The following WWOX variants were observed in gnomAD, a reference collection of about 807,000 sequenced individuals.
WWOX encodes WW domain-containing oxidoreductase.
In WWOX, 69 loss-of-function variants were observed where a neutral mutation model predicts 46.2. The ratio of observed to expected loss-of-function variants is 1.49; its 90% CI spans 1.23 to 1.82. The LOEUF is 1.82. Among genes scored for constraint, WWOX ranks in the 40% most tolerant of loss-of-function variants. The pLI, the probability that WWOX is intolerant of heterozygous loss-of-function variation, is 0.00. For missense variants in WWOX, 919 were observed against 542.6 expected (o/e 1.69, Z -6.89); for synonymous variants, 359 against 202.6 (o/e 1.77, Z -6.56).
chr16:78,806,030 A>G (rs1203352227), intron 8 of WWOX, among the ~76,000 whole-genome samples: 1 of 152,222 alleles, frequency 6.6e-6, no homozygotes, highest in Admixed American at 6.5e-5. Flanking sequence ...GAATTAATCC[A>G]AAGCCACTTG....
chr16:78,512,821 A>G (rs548887085), intron 8 of WWOX, among the ~76,000 whole-genome samples: 2 of 152,356 alleles, frequency 1.3e-5, no homozygotes, highest in Admixed American at 1.3e-4. Context: ...TTAAAAACAG[A>G]AACAGAGCAG....
At chr16:78,320,566 G>T (rs896200676) in intron 5 of WWOX, among the ~76,000 whole-genome samples, 1 of 152,180 alleles carries the variant, frequency 6.6e-6, no homozygotes, top group South Asian at 2.1e-4. Flanking sequence ...TCTGGAGAAG[G>T]TATTGAAGAA....
At chr16:78,409,064 C>A (rs1240510514) in intron 6 of WWOX, among the ~76,000 whole-genome samples, 1 of 152,264 alleles carries the variant, frequency 6.6e-6, no homozygotes, top group African/African-American at 2.4e-5. Context: ...TGAAGTCACT[C>A]CAAAAACAGA....
At chr16:78,727,309 G>C (rs1012612126) in intron 8 of WWOX, among the ~76,000 whole-genome samples, 3 of 152,214 alleles carry the variant, frequency 2.0e-5, no homozygotes, top group Non-Finnish European at 2.9e-5. Flanking sequence ...TGAGGCAGGA[G>C]AATCACTTCA....
chr16:78,620,466 G>A (rs985528922), intron 8 of WWOX, among the ~76,000 whole-genome samples: 4 of 152,160 alleles, frequency 2.6e-5, no homozygotes, highest in Non-Finnish European at 5.9e-5. Context: ...TCCCTGGATG[G>A]GAGAAGATAG....
chr16:78,960,224 G>T (rs2046246985), intron 8 of WWOX, among the ~76,000 whole-genome samples: 1 of 152,190 alleles, frequency 6.6e-6, no homozygotes, highest in Non-Finnish European at 1.5e-5. Context: ...CACCAAAAAT[G>T]ACCTTAATTT....
chr16:78,677,818 A>G (rs2047639106), intron 8 of WWOX, among the ~76,000 whole-genome samples: 1 of 152,158 alleles, frequency 6.6e-6, no homozygotes, highest in South Asian at 2.1e-4. Flanking sequence ...ATCACATTGT[A>G]TTTCCTTTAT....
At chr16:78,530,081 C>T (rs1284093214) in intron 8 of WWOX, among the ~76,000 whole-genome samples, 1 of 152,146 alleles carries the variant, frequency 6.6e-6, no homozygotes, top group Non-Finnish European at 1.5e-5. Flanking sequence ...TGGGAGGAAG[C>T]ATGCAGGTGA....
chr16:79,143,964 GCA>G (rs1567579639), intron 8 of WWOX, among the ~76,000 whole-genome samples: 1 of 152,130 alleles, frequency 6.6e-6, no homozygotes, highest in Non-Finnish European at 1.5e-5. Context: ...GAGTGCAGTG[GCA>G]CAGTCATAGC....
At position 78,682,441 on chromosome 16, in the gene WWOX, C is replaced by G. The variant is rs141332185; in HGVS notation, c.1056+249689C>G. 2.7e-3 allele frequency among the ~76,000 whole-genome samples: 406 copies of G among 152,210 alleles called. 1 individual carries two copies. Among genetic ancestry groups the G allele is most frequent in the Non-Finnish European group, 4.6e-3 (314 of 68,020 alleles). ...TGAATTATTTTTCCTTTAGCCGGGT[C>G]TGGTGGTGGCGTGTACCTGTAATCC... On this transcript the variant is annotated intron_variant, in intron 8 of 8. Coordinates refer to ENST00000566780, the MANE Select transcript of WWOX (RefSeq NM_016373.4).
chr16:78,691,202 C>A, intron 8 of WWOX: 1 of 701,980 alleles, frequency 1.4e-6, no homozygotes, highest in South Asian at 1.5e-5. Context: ...AGGTCCAGCG[C>A]CTAGAATTTT....
intron 8 of WWOX, among the ~76,000 whole-genome samples, chr16:78,628,194 G>A (rs141731767): frequency 2.1e-4 from 32 of 152,196 alleles, no homozygotes; most frequent in Admixed American, 3.3e-4. Context: ...CATGGCTGCC[G>A]TCTGAGTGAT....
chr16:78,582,860 A>G (rs1597303914), intron 8 of WWOX, among the ~76,000 whole-genome samples: 1 of 152,298 alleles, frequency 6.6e-6, no homozygotes, highest in East Asian at 1.9e-4. Flanking sequence ...AGGCCCTTCT[A>G]GTGATGTACC....
chr16:78,389,544 A>C (rs758916389), intron 6 of WWOX, among the ~76,000 whole-genome samples: 26 of 152,140 alleles, frequency 1.7e-4, no homozygotes, highest in South Asian at 2.1e-4. Flanking sequence ...TACGTGGAAA[A>C]TATTTTGCAT....
chr16:79,000,763 G>C (rs1413176340), intron 8 of WWOX, among the ~76,000 whole-genome samples: 2 of 152,188 alleles, frequency 1.3e-5, no homozygotes, highest in South Asian at 2.1e-4. Context: ...GCCAGAGGAA[G>C]CTAAGGCACC....
chr16:78,631,540 C>CTT (rs35592764), intron 8 of WWOX, among the ~76,000 whole-genome samples: 54,044 of 138,644 alleles, frequency 0.39, 13,072 homozygotes, highest in Middle Eastern at 0.58. Flanking sequence ...TTAAAATATT[C>CTT]TTTTTTTTTT....
intron 8 of WWOX, among the ~76,000 whole-genome samples, chr16:78,725,412 A>G (rs1401089301): frequency 1.6e-5 from 2 of 128,976 alleles, no homozygotes; most frequent in African/African-American, 3.1e-5. Flanking sequence ...CAGTGGTGCA[A>G]TCTGGGCTCC....
chr16:78,726,540 A>G (rs1341070850), intron 8 of WWOX, among the ~76,000 whole-genome samples: 1 of 150,464 alleles, frequency 6.6e-6, no homozygotes, highest in Non-Finnish European at 1.5e-5. Context: ...AGCCTATCTT[A>G]ATTCAATACA....
chr16:78,303,886 C>A (rs2151868916), intron 5 of WWOX, among the ~76,000 whole-genome samples: 1 of 152,268 alleles, frequency 6.6e-6, no homozygotes, highest in East Asian at 1.9e-4. Flanking sequence ...GTGCCAACCA[C>A]CACCCCCACT....
Sources: allele counts gnomAD v4.1 joint callset (sites outside exome capture counted in the v4.1 genomes callset), GRCh38; gene constraint gnomAD v4.1.1; transcripts MANE v1.5; gene names NCBI Gene and HGNC (gene_info 2026-07-23, HGNC 2026-07-21).